The following SOX6 variants were observed in gnomAD, a reference collection of about 807,000 sequenced individuals.
The protein encoded by SOX6 is SRY-box transcription factor 6.
SOX6 carries 11 observed loss-of-function variants against 97.8 expected under a neutral mutation model. The ratio of observed to expected loss-of-function variants is 0.11; its 90% CI spans 0.07 to 0.19. SOX6 has a LOEUF of 0.19. Ranked by LOEUF, SOX6 falls within the 10% of genes least tolerant of loss-of-function variation. The pLI is 1.00. For missense variants in SOX6, 810 were observed against 1,039.5 expected (o/e 0.78, Z 3.04); for synonymous variants, 360 against 371.4 (o/e 0.97, Z 0.35).
At chr11:16,710,207 A>T (rs923965184) in intron 3 of SOX6, among the ~76,000 whole-genome samples, 3 of 152,246 alleles carry the variant, frequency 2.0e-5, no homozygotes, top group Non-Finnish European at 4.4e-5. Context: ...AGATAGGTGT[A>T]CCCTATTCAA....
chr11:16,499,646 G>T (rs1860667826), intron 4 of SOX6, among the ~76,000 whole-genome samples: 2 of 152,170 alleles, frequency 1.3e-5, no homozygotes, highest in Admixed American at 1.3e-4. Flanking sequence ...CGATCCCACA[G>T]AAATACAAAC....
chr11:16,408,456 T>C (rs1170661912), intron 1 of SOX6, among the ~76,000 whole-genome samples: 1 of 152,156 alleles, frequency 6.6e-6, no homozygotes, highest in Non-Finnish European at 1.5e-5. Context: ...TTCACATGCA[T>C]ACATATATCT....
At chr11:16,533,073 A>C (rs987099046) in intron 4 of SOX6, among the ~76,000 whole-genome samples, 6 of 151,966 alleles carry the variant, frequency 3.9e-5, no homozygotes, top group Non-Finnish European at 7.4e-5. Flanking sequence ...AATTTCATTT[A>C]ATATTGATGC....
At chr11:16,447,695 T>C (rs1048306136) in intron 1 of SOX6, among the ~76,000 whole-genome samples, 1 of 152,258 alleles carries the variant, frequency 6.6e-6, no homozygotes, top group East Asian at 1.9e-4. Flanking sequence ...TTGAAAACAA[T>C]GGCAGACTAA....
At chr11:16,718,482 C>T (rs1848234882) in intron 2 of SOX6, among the ~76,000 whole-genome samples, 1 of 152,168 alleles carries the variant, frequency 6.6e-6, no homozygotes, top group South Asian at 2.1e-4. Flanking sequence ...TTGACCCCCT[C>T]TTCAGGAATG....
rs1847995803 is a variant in SOX6, at chr11:16,577,643, A to G, written n.609+34438T>C. Among the ~76,000 whole-genome samples, 4 of 152,172 alleles carry G rather than the reference A, an allele frequency of 2.6e-5. No homozygotes were observed. In the South Asian group the frequency reaches 8.3e-4, roughly 32 times the overall value. Reference sequence around the variant, plus strand: ...CCTCCCTAGTATGTGTGAAGTAGTTACTCATTGTGATTTTGATTTATATTT... The same window carrying G: ...CCTCCCTAGTATGTGTGAAGTAGTTGCTCATTGTGATTTTGATTTATATTT... On this transcript the variant is annotated intron_variant and non_coding_transcript_variant, in intron 4 of 5. Coordinates refer to the SOX6 transcript ENST00000524520.
At chr11:16,277,794 G>A (rs997659452) in intron 3 of SOX6, among the ~76,000 whole-genome samples, 3 of 152,122 alleles carry the variant, frequency 2.0e-5, no homozygotes, top group Non-Finnish European at 4.4e-5. Context: ...TTCCCTTATA[G>A]TTTAATATAT....
chr11:16,376,882 G>T (rs1211801078), intron 1 of SOX6, among the ~76,000 whole-genome samples: 4 of 151,858 alleles, frequency 2.6e-5, no homozygotes, highest in Admixed American at 1.3e-4. Flanking sequence ...GATAAGGGAA[G>T]GGAAAGGAGA....
intron 1 of SOX6, among the ~76,000 whole-genome samples, chr11:16,410,759 CAAAAAA>C (rs71044100): frequency 1.6e-5 from 1 of 64,388 alleles, no homozygotes; most frequent in South Asian, 5.1e-4. Flanking sequence ...AACCGGTCTC[CAAAAAA>C]AAAAAAAAAA....
intron 3 of SOX6, among the ~76,000 whole-genome samples, chr11:16,255,919 T>C (rs1338055826): frequency 1.3e-5 from 2 of 150,730 alleles, no homozygotes; most frequent in African/African-American, 4.9e-5. Context: ...CCATGGACAA[T>C]TAGAAATCTT....
rs117708870 is a variant in SOX6, at chr11:16,626,744, G to T, written n.430-14484C>A. ...AATGTTCTGTATATTCAATGCAGAG[G>T]TCTTAATCATATTTCATTAAATATA... On this transcript the variant is annotated intron_variant and non_coding_transcript_variant, in intron 3 of 5. Coordinates refer to the SOX6 transcript ENST00000524520. Among the ~76,000 whole-genome samples, 1,168 of 152,152 alleles carry T rather than the reference G, an allele frequency of 7.7e-3. 52 individuals are homozygous for T. In the East Asian group the frequency reaches 0.095, roughly 12 times the overall value.
At chr11:16,267,891 G>A (rs925862957) in intron 3 of SOX6, among the ~76,000 whole-genome samples, 1 of 151,496 alleles carries the variant, frequency 6.6e-6, no homozygotes, top group African/African-American at 2.4e-5. Flanking sequence ...GATGTCATTT[G>A]CAATAACATG....
intron 4 of SOX6, among the ~76,000 whole-genome samples, chr11:16,488,772 A>C (rs553356502): frequency 6.6e-6 from 1 of 152,320 alleles, no homozygotes; most frequent in South Asian, 2.1e-4. Context: ...GATCCTGCTT[A>C]TCATTTTACT....
chr11:16,573,664 T>C (rs1463593272), intron 4 of SOX6, among the ~76,000 whole-genome samples: 2 of 152,234 alleles, frequency 1.3e-5, no homozygotes, highest in Admixed American at 1.3e-4. Context: ...TGCAGATAGT[T>C]AATAAAACAA....
chr11:15,981,871 T>C (rs1420010292), intron 15 of SOX6, among the ~76,000 whole-genome samples: 1 of 152,102 alleles, frequency 6.6e-6, no homozygotes, highest in Non-Finnish European at 1.5e-5. Context: ...GCTTTTCATA[T>C]GCCAGGCAAT....
chr11:16,695,439 T>G (rs939435157), intron 3 of SOX6, among the ~76,000 whole-genome samples: 69 of 151,958 alleles, frequency 4.5e-4, no homozygotes, highest in Admixed American at 1.2e-3. Flanking sequence ...GAAAAATGAG[T>G]GGAGTAAATG....
rs758980049 is a variant in SOX6, at chr11:16,055,801, G to A, written c.1202C>T (p.Thr401Ile). The change falls in exon 10 of 16, where the codon ACT (threonine) becomes ATT (isoleucine). Residue 401 changes from threonine to isoleucine, a missense_variant. Physicochemically the swap from Thr to Ile is moderately conservative, Grantham distance 89. Coordinates refer to ENST00000683767, the MANE Select transcript of SOX6 (RefSeq NM_001367873.1). ...CCCTCTCTTTTCATTTTTTATCCCA[G>A]TAGGTGAGACCGTCCCTGCTGTGTT... ...PPNTAGTVSPTGIKNEKRGTS... is the reference protein window; with the variant it reads ...PPNTAGTVSPIGIKNEKRGTS... The A allele has an allele frequency of 6.2e-7, 1 of 1,613,746 alleles. No homozygotes were observed. The highest frequency in any genetic ancestry group is 8.5e-7 in the Non-Finnish European group (1 of 1,179,828).
Position 16,607,073 on chromosome 11 carries a change from C to G in SOX6, n.609+5008G>C, listed in dbSNP as rs1848343353. 2 of 153,084 alleles carry G rather than the reference C, an allele frequency of 1.3e-5. No individual in the cohort carries two copies. 9.5% of individuals were successfully genotyped at this position (153,084 alleles called of 1,614,324 possible). A position where few individuals can be genotyped will look rare whatever the true frequency, so the allele number is the denominator to read the frequency against. The stretch of plus-strand genomic sequence containing the variant: ...ACGCAAACCCGCCCCGGCCCGGCAG[C>G]CGCGGCTCCCGGCCACCCGCGCCCT... On this transcript the variant is annotated intron_variant and non_coding_transcript_variant, in intron 4 of 5. Transcript: ENST00000524520. The surrounding 1 kb of genome is among the most constrained non-coding windows in gnomAD (Gnocchi z 6.5).
At position 16,531,104 on chromosome 11, in the gene SOX6, G is replaced by C. The variant is rs1206462094; in HGVS notation, n.610-54716C>G. On this transcript the variant is annotated intron_variant and non_coding_transcript_variant, in intron 4 of 5. Transcript: ENST00000524520. ...ATTAAATTAAACTTCTGTAAATTTGGTGATTGTTGCAATAAGGACACACCA... is the reference window on the plus strand; with the variant it reads ...ATTAAATTAAACTTCTGTAAATTTGCTGATTGTTGCAATAAGGACACACCA... Among the ~76,000 whole-genome samples the C allele has an allele frequency of 2.7e-5, 4 of 149,726 alleles. No homozygotes were observed. The East Asian group carries it at 7.8e-4, about 29-fold the overall frequency.
Sources: allele counts gnomAD v4.1 joint callset (sites outside exome capture counted in the v4.1 genomes callset), GRCh38; gene constraint gnomAD v4.1.1; non-coding constraint Gnocchi (gnomAD v3.1); transcripts MANE v1.5; gene names NCBI Gene and HGNC (gene_info 2026-07-23, HGNC 2026-07-21).